Variants in CYTH3 observed in about 807,000 individuals in gnomAD.
CYTH3 encodes cytohesin-3.
Under a neutral mutation model 55.1 loss-of-function variants are expected in CYTH3, and 23 were observed. The ratio of observed to expected loss-of-function variants is 0.42; its 90% CI spans 0.30 to 0.59. CYTH3 has a LOEUF of 0.59. CYTH3 is among the 20% of genes least tolerant of loss of function. CYTH3 has a pLI of 0.20. For missense variants in CYTH3, 413 were observed against 524.8 expected, an observed-to-expected ratio of 0.79 and a Z score of 2.08; for synonymous variants, 249 against 194.9, an observed-to-expected ratio of 1.28 and a Z score of -2.31.
At chr7:6,259,765 ATATATAT>A (rs1216538704) in intron 1 of CYTH3, among the ~76,000 whole-genome samples, 379 of 24,934 alleles carry the variant, frequency 0.015, 14 homozygotes, top group South Asian at 0.049. Context: ...TATTATATAT[ATATATAT>A]TATATATATA....
chr7:6,184,153 C>T (rs550716898), intron 4 of CYTH3, among the ~76,000 whole-genome samples: 4 of 146,658 alleles, frequency 2.7e-5, no homozygotes, highest in African/African-American at 7.8e-5. Context: ...CTCCACCTCC[C>T]GGGTTCACGC....
intron 1 of CYTH3, among the ~76,000 whole-genome samples, chr7:6,265,759 C>A (rs978672420): frequency 2.0e-5 from 3 of 152,032 alleles, no homozygotes; most frequent in African/African-American, 7.3e-5. Flanking sequence ...AGTGACATGA[C>A]CTGCGTGTCA....
chr7:6,170,556 C>A lies in CYTH3; in HGVS notation c.802G>T (p.Glu268Ter). 6.2e-7 allele frequency: 1 copy of A among 1,613,948 alleles called. No individual in the cohort carries two copies. Among genetic ancestry groups the A allele is most frequent in the Non-Finnish European group, 8.5e-7 (1 of 1,179,868 alleles). Residue 268 changes from glutamate (E) to a stop codon, truncating the protein, a stop_gained, in exon 9 of 13, where the codon GAG (glutamate) becomes TAG (stop). Coordinates refer to ENST00000350796, the MANE Select transcript of CYTH3 (RefSeq NM_004227.4). LOFTEE classifies it high-confidence loss of function. The surrounding 1 kb of genome is among the most constrained non-coding windows in gnomAD (Gnocchi z 7.8). ...TCACCCAGCTTCAGGAGCCAGCCCTCGCGGTCGGGGTTGAAGAAGGTGTGG... is the reference window on the plus strand; with the variant it reads ...TCACCCAGCTTCAGGAGCCAGCCCTAGCGGTCGGGGTTGAAGAAGGTGTGG... ...LTHTFFNPDR[E>*]GWLLKLGGRV...
intron 1 of CYTH3, among the ~76,000 whole-genome samples, chr7:6,223,840 A>C: frequency 7.5e-6 from 1 of 132,474 alleles, no homozygotes; most frequent in African/African-American, 3.5e-5. Context: ...AAATACTAAA[A>C]AAAAAAAAAA....
At chr7:6,184,026 T>C (rs1783572976) in intron 4 of CYTH3, among the ~76,000 whole-genome samples, 1 of 148,620 alleles carries the variant, frequency 6.7e-6, no homozygotes, top group African/African-American at 2.5e-5. Flanking sequence ...TACATTTCCA[T>C]TGTTTACGCA....
intron 4 of CYTH3, among the ~76,000 whole-genome samples, chr7:6,184,709 G>A (rs756792847): frequency 6.6e-6 from 1 of 152,158 alleles, no homozygotes; most frequent in Non-Finnish European, 1.5e-5. Context: ...CTCCCGAGTA[G>A]CTGGGACTAC....
At chr7:6,166,501 C>T (rs184310890) in intron 9 of CYTH3, among the ~76,000 whole-genome samples, 7 of 152,216 alleles carry the variant, frequency 4.6e-5, no homozygotes, top group South Asian at 2.1e-4. Flanking sequence ...TCCAGCGCTG[C>T]GGAGCTCACC....
intron 1 of CYTH3, among the ~76,000 whole-genome samples, chr7:6,257,664 G>A (rs899048127): frequency 1.3e-5 from 2 of 152,220 alleles, no homozygotes; most frequent in African/African-American, 2.4e-5. Context: ...TTATGGCAGA[G>A]AAAAGGTGTT....
intron 1 of CYTH3, among the ~76,000 whole-genome samples, chr7:6,236,914 A>G (rs1779538784): frequency 6.6e-6 from 1 of 152,186 alleles, no homozygotes; most frequent in African/African-American, 2.4e-5. Context: ...TAGTGTTTCA[A>G]AGAGATTTTC....
intron 1 of CYTH3, among the ~76,000 whole-genome samples, chr7:6,201,134 C>G (rs1345021365): frequency 1.3e-5 from 2 of 152,216 alleles, no homozygotes; most frequent in East Asian, 1.9e-4. Context: ...AGGGCAGGCT[C>G]TGAGCTGCCA....
Position 6,170,314 on chromosome 7 carries a change from T to A in CYTH3, c.823+221A>T. The A allele has an allele frequency of 1.8e-6, 1 of 557,120 alleles. No homozygotes were observed. Among genetic ancestry groups the A allele is most frequent in the East Asian group, 3.0e-5 (1 of 33,074 alleles). 34.5% of individuals were successfully genotyped at this position (557,120 alleles called of 1,614,324 possible). ...GTTTTCTGGGACGGGCCGTGCAGCC[T>A]GGGCGCTACTCTCTGCCGCGGGCAT... On this transcript the variant is annotated intron_variant, in intron 9 of 12. Transcript: ENST00000350796. The surrounding 1 kb of genome is among the most constrained non-coding windows in gnomAD (Gnocchi z 7.8).
chr7:6,259,764 T>TATATAATATATATATA (rs1780249626), intron 1 of CYTH3, among the ~76,000 whole-genome samples: 1 of 24,936 alleles, frequency 4.0e-5, no homozygotes, highest in African/African-American at 3.8e-4. Flanking sequence ...ATATTATATA[T>TATATAATATATATATA]ATATATATTA....
intron 5 of CYTH3, among the ~76,000 whole-genome samples, chr7:6,174,539 GTTTTT>G (rs760279977): frequency 5.1e-4 from 46 of 89,806 alleles, no homozygotes; most frequent in African/African-American, 2.2e-3. Context: ...CTCCTTGTGG[GTTTTT>G]TTTTTTTTTT....
chr7:6,193,374 T>C (rs1441824069), intron 1 of CYTH3, among the ~76,000 whole-genome samples: 1 of 139,544 alleles, frequency 7.2e-6, no homozygotes. Context: ...AAGACTCCCG[T>C]CTCAAAAAAA....
chr7:6,269,547 G>T (rs916358885), intron 1 of CYTH3, among the ~76,000 whole-genome samples: 1 of 149,692 alleles, frequency 6.7e-6, no homozygotes, highest in Non-Finnish European at 1.5e-5. Flanking sequence ...AACAGGACAC[G>T]AAGACAATCC....
chr7:6,197,352 A>C lies in CYTH3; in HGVS notation c.35-6821T>G, dbSNP rs1050871860. Among the ~76,000 whole-genome samples, 6 of 152,332 alleles carry C rather than the reference A, an allele frequency of 3.9e-5. No homozygotes were observed. The East Asian group carries it at 1.2e-3, about 29-fold the overall frequency. On this transcript the variant is annotated intron_variant, in intron 1 of 12. Transcript: ENST00000350796. Reference sequence around the variant, plus strand: ...TTCATGTCATAGTATATAGGGATATAATGCTATTATGTCTATACTTCGAAA... The same window carrying C: ...TTCATGTCATAGTATATAGGGATATCATGCTATTATGTCTATACTTCGAAA...
intron 1 of CYTH3, among the ~76,000 whole-genome samples, chr7:6,202,493 G>A (rs547434831): frequency 1.4e-4 from 19 of 140,198 alleles, no homozygotes; most frequent in African/African-American, 4.3e-4. Flanking sequence ...ACAGGGTTTC[G>A]CTCTTGTTGC....
chr7:6,215,057 T>TG (rs1784395482), intron 1 of CYTH3, among the ~76,000 whole-genome samples: 1 of 152,216 alleles, frequency 6.6e-6, no homozygotes, highest in South Asian at 2.1e-4. Context: ...TGGGATAGGA[T>TG]GCCCTCTCTT....
At chr7:6,188,652 C>G (rs1054772857) in intron 2 of CYTH3, 8 of 152,276 alleles carry the variant, frequency 5.3e-5, no homozygotes, top group Non-Finnish European at 1.2e-4. Context: ...CCAAATGCAT[C>G]CAAGGGGACA....
Sources: allele counts gnomAD v4.1 joint callset (sites outside exome capture counted in the v4.1 genomes callset), GRCh38; gene constraint gnomAD v4.1.1; non-coding constraint Gnocchi (gnomAD v3.1); transcripts MANE v1.5; gene names NCBI Gene and HGNC (gene_info 2026-07-23, HGNC 2026-07-21).